CDC6: variants seen among roughly 807,000 people sequenced by gnomAD.
The protein encoded by CDC6 is DNA replication factor CDC6.
Under a neutral mutation model 60.2 loss-of-function variants are expected in CDC6, and 46 were observed. The observed-to-expected ratio is 0.76, with a 90% CI of 0.60 to 0.98. CDC6 has a LOEUF of 0.98. CDC6 is among the 50% of genes least tolerant of loss of function. The pLI is 0.00. For synonymous variants in CDC6, 210 were observed against 233.2 expected, an observed-to-expected ratio of 0.90 and a Z score of 0.90; for missense variants, 596 against 652.9, an observed-to-expected ratio of 0.91 and a Z score of 0.95.
chr17:40,299,733 T>C (rs1457470054), intron 9 of CDC6, among the ~76,000 whole-genome samples: 7 of 144,148 alleles, frequency 4.9e-5, no homozygotes, highest in Non-Finnish European at 1.1e-4. Context: ...ACCCCATCTC[T>C]ACAAAAAATA....
In CDC6 at chr17:40,291,216, G is replaced by T; in HGVS notation, c.337G>T (p.Ala113Ser). 1 of 1,614,178 alleles carries T rather than the reference G, an allele frequency of 6.2e-7. No individual in the cohort carries two copies. The highest frequency in any genetic ancestry group is 8.5e-7 in the Non-Finnish European group (1 of 1,180,012). Residue 113 changes from alanine (A) to serine (S), a missense_variant, in exon 3 of 12, where the codon GCC becomes TCC. By Grantham distance (99) the Ala-to-Ser change is moderately conservative (BLOSUM62 1). Transcript: ENST00000209728. ...TAAGTCTCCTAGCAAAAGAGAACTA[G>T]CCAAAGTTCACCAAAACAAAATACT... ...TIKSPSKRELAKVHQNKILSS... is the reference protein window; with the variant it reads ...TIKSPSKRELSKVHQNKILSS...
intron 5 of CDC6, 135 bp downstream of exon 5, chr17:40,293,766 C>A: frequency 1.1e-6 from 1 of 898,196 alleles, no homozygotes; most frequent in Non-Finnish European, 1.8e-6. Context: ...GGAAGATACA[C>A]CTAATTTTAA....
intron 10 of CDC6, 79 bp downstream of exon 10, chr17:40,301,109 A>G (rs377386522): frequency 2.0e-5 from 19 of 951,932 alleles, no homozygotes; most frequent in African/African-American, 3.2e-5. Flanking sequence ...CAAAAGGCCT[A>G]TGATACTTCA....
chr17:40,289,175 A>G (rs1199163367), intron 1 of CDC6: 1 of 458,988 alleles, frequency 2.2e-6, no homozygotes, highest in Non-Finnish European at 4.0e-6. Flanking sequence ...TCGTTGTTAA[A>G]CGAGTTGGTA....
At chr17:40,291,372 CAT>C in intron 3 of CDC6, 33 bp downstream of exon 3, 1 of 1,613,262 alleles carries the variant, frequency 6.2e-7, no homozygotes, top group Non-Finnish European at 8.5e-7. Flanking sequence ...TTAGTGCAGC[CAT>C]TGTAACCAAG....
chr17:40,300,173 A>C (rs1410565145), intron 9 of CDC6, among the ~76,000 whole-genome samples: 1 of 152,124 alleles, frequency 6.6e-6, no homozygotes, highest in African/African-American at 2.4e-5. Flanking sequence ...CGTGTTGGGC[A>C]GGCTGGTCTC....
intron 7 of CDC6, 28 bp downstream of exon 7, chr17:40,294,531 TG>T: frequency 6.2e-7 from 1 of 1,609,958 alleles, no homozygotes; most frequent in Non-Finnish European, 8.5e-7. Flanking sequence ...TGCCAAATTA[TG>T]TGTTCCTTGG....
In CDC6 at chr17:40,291,134, C is replaced by G; in HGVS notation, c.255C>G (p.Pro85=). ...AGCAAGGCAAGAAAGAGAATGGTCC[C>G]CCTCACTCACATACACTTAAGGGAC... ...PPKQGKKENG[P]PHSHTLKGRR... is the part of the protein sequence containing the mutation. Residue 85 remains proline, a synonymous_variant, in exon 3 of 12, where the codon CCC becomes CCG. Coordinates refer to ENST00000209728, the MANE Select transcript of CDC6 (RefSeq NM_001254.4). The G allele has an allele frequency of 1.9e-6, 3 of 1,614,114 alleles. No individual in the cohort carries two copies. The highest frequency in any genetic ancestry group is 2.5e-6 in the Non-Finnish European group (3 of 1,179,970).
chr17:40,301,410 A>T, intron 10 of CDC6, 58 bp from the exon 11 acceptor site: 1 of 1,564,584 alleles, frequency 6.4e-7, no homozygotes, highest in South Asian at 1.1e-5. Flanking sequence ...TTAAATGATT[A>T]AAGGCTATAA....
At chr17:40,296,620 A>G (rs2032863632) in intron 8 of CDC6, 83 bp from the exon 9 acceptor site, 1 of 796,122 alleles carries the variant, frequency 1.3e-6, no homozygotes, top group African/African-American at 1.7e-5. Flanking sequence ...AGCAATGGTC[A>G]TTAATGTGCC....
At chr17:40,294,694 A>G (rs983163661) in intron 7 of CDC6, among the ~76,000 whole-genome samples, 191 bp downstream of exon 7, 5 of 151,754 alleles carry the variant, frequency 3.3e-5, no homozygotes, top group Admixed American at 3.3e-4. Flanking sequence ...CAGTGTTGAA[A>G]TAAAAGCAGG....
intron 2 of CDC6, among the ~76,000 whole-genome samples, chr17:40,290,839 A>G (rs577673581): frequency 6.6e-6 from 1 of 152,292 alleles, no homozygotes; most frequent in East Asian, 1.9e-4. Flanking sequence ...TAGTATTTTC[A>G]GACTGAGGGT....
rs1002753325 is a variant in CDC6, at chr17:40,303,392, C to T, written c.*1391C>T. On this transcript the variant is annotated 3_prime_UTR_variant, in exon 12 of 12. Transcript: ENST00000209728. The stretch of plus-strand genomic sequence containing the variant: ...GCTTTTCCCTGAGCTCTCCTGCTGC[C>T]GCCTCTACCTTTCTGACATGGCCTT... The T allele has an allele frequency of 5.3e-5, 8 of 152,300 alleles. No individual in the cohort carries two copies. The highest frequency in any genetic ancestry group is 4.1e-4 in the South Asian group (2 of 4,824). 9.4% of individuals were successfully genotyped at this position (152,300 alleles called of 1,614,324 possible).
chr17:40,301,892 T>G lies in CDC6; in HGVS notation c.1594-20T>G. On this transcript the variant is annotated intron_variant, in intron 11 of 11. Transcript: ENST00000209728. ...TTTGTGAGTTCCCCAGTGTGAAAAA[T>G]CCTTTTCTCTTCTTTCCAGGTGTTT... The G allele has an allele frequency of 6.7e-7, 1 of 1,485,718 alleles. No homozygotes were observed. Among genetic ancestry groups the G allele is most frequent in the East Asian group, 2.3e-5 (1 of 44,252 alleles). The allele number at this position is 1,485,718 out of a possible 1,614,324, so 92.0% of individuals were successfully genotyped here.
At chr17:40,296,596 A>G (rs1171352565) in intron 8 of CDC6, 107 bp from the exon 9 acceptor site, 3 of 720,872 alleles carry the variant, frequency 4.2e-6, no homozygotes, top group African/African-American at 3.5e-5. Flanking sequence ...CATTGTTCAT[A>G]GTTGCAGTCT....
intron 6 of CDC6, 26 bp downstream of exon 6, chr17:40,294,082 A>G (rs1274321237): frequency 6.8e-7 from 1 of 1,474,304 alleles, no homozygotes. Context: ...TTAATGTTAC[A>G]TGGTGGTTCT....
At chr17:40,296,315 C>A (rs2143095094) in intron 8 of CDC6, among the ~76,000 whole-genome samples, 1 of 152,162 alleles carries the variant, frequency 6.6e-6, no homozygotes, top group South Asian at 2.1e-4. Context: ...GTCAGTCACC[C>A]ACACTACATA....
intron 6 of CDC6, 58 bp downstream of exon 6, chr17:40,294,114 T>C: frequency 1.5e-6 from 2 of 1,298,096 alleles, no homozygotes. Flanking sequence ...TAAGAATATA[T>C]ATTCAGCTTA....
Position 40,289,543 on chromosome 17 carries a change from C to A in CDC6, c.123C>A (p.Thr41=). 1 of 1,613,980 alleles carries A rather than the reference C, an allele frequency of 6.2e-7. No homozygotes were observed. The highest frequency in any genetic ancestry group is 1.7e-5 in the Admixed American group (1 of 59,990). The change falls in exon 2 of 12, where the codon ACC becomes ACA. Residue 41 remains threonine, a synonymous_variant. Transcript: ENST00000209728. ...AACTAGAACCAACAAATGTCCAAAC[C>A]GTAACCTGTTCTCCTCGTGTAAAAG... is the stretch of plus-strand genomic sequence containing the variant. ...DAKLEPTNVQ[T]VTCSPRVKAL... is the part of the protein sequence containing the mutation.
Sources: allele counts gnomAD v4.1 joint callset (sites outside exome capture counted in the v4.1 genomes callset), GRCh38; gene constraint gnomAD v4.1.1; transcripts MANE v1.5; gene names NCBI Gene and HGNC (gene_info 2026-07-23, HGNC 2026-07-21).